DGKB: variants seen among roughly 807,000 people sequenced by gnomAD.
DGKB encodes 90 kDa diacylglycerol kinase.
DGKB carries 67 observed loss-of-function variants against 114.3 expected under a neutral mutation model. That is an observed-to-expected ratio of 0.59 (90% CI 0.48 to 0.72). The LOEUF is 0.72. DGKB is among the 30% of genes least tolerant of loss of function. The pLI, the probability that DGKB is intolerant of heterozygous loss-of-function variation, is 0.00. For missense variants in DGKB, 907 were observed against 975.2 expected (o/e 0.93, Z 0.93); for synonymous variants, 398 against 323.1 (o/e 1.23, Z -2.49).
At chr7:14,609,922 G>T (rs1430363800) in intron 16 of DGKB, among the ~76,000 whole-genome samples, 1 of 152,090 alleles carries the variant, frequency 6.6e-6, no homozygotes, top group Non-Finnish European at 1.5e-5. Context: ...TGCTGTTGTT[G>T]TGAATGTAAA....
At chr7:14,380,600 C>T (rs1819286666) in intron 21 of DGKB, among the ~76,000 whole-genome samples, 1 of 152,126 alleles carries the variant, frequency 6.6e-6, no homozygotes, top group Admixed American at 6.5e-5. Context: ...ATTATCACAA[C>T]ATAGTGTTAT....
At chr7:14,156,700 A>G (rs1783076949) in intron 25 of DGKB, among the ~76,000 whole-genome samples, 1 of 152,200 alleles carries the variant, frequency 6.6e-6, no homozygotes. Context: ...ATTCAGAATT[A>G]TGAGGCATAA....
intron 23 of DGKB, among the ~76,000 whole-genome samples, chr7:14,228,521 A>C (rs1324274688): frequency 6.6e-6 from 1 of 151,962 alleles, no homozygotes; most frequent in Non-Finnish European, 1.5e-5. Flanking sequence ...AGAGCTGTTT[A>C]TAGTACACAC....
rs553891527 is a variant in DGKB, at chr7:14,872,277, T to C, written c.-188+30315A>G. Among the ~76,000 whole-genome samples the C allele has an allele frequency of 2.6e-5, 4 of 152,298 alleles. No homozygotes were observed. The South Asian group carries it at 8.3e-4, about 32-fold the overall frequency. On this transcript the variant is annotated intron_variant, in intron 1 of 25. Transcript: ENST00000402815. ...CAGAACAGGAATAACAAACATACGC[T>C]ATACCTGCTACCACTAGCAACAATC...
At chr7:14,283,766 G>T (rs917143181) in intron 23 of DGKB, among the ~76,000 whole-genome samples, 1 of 152,106 alleles carries the variant, frequency 6.6e-6, no homozygotes, top group Non-Finnish European at 1.5e-5. Context: ...AATGGGGAAA[G>T]GATTCCCTAT....
intron 21 of DGKB, among the ~76,000 whole-genome samples, chr7:14,438,126 A>T (rs1450491139): frequency 3.3e-5 from 5 of 152,090 alleles, no homozygotes; most frequent in Non-Finnish European, 1.5e-5. Flanking sequence ...TAAATCAAAT[A>T]AAAACTCAGG....
At position 14,902,642 on chromosome 7, in the gene DGKB, T is replaced by G. The variant is rs550414989; in HGVS notation, c.-238A>C. 6.6e-6 allele frequency: 1 copy of G among 152,260 alleles called. No individual in the cohort carries two copies. Among genetic ancestry groups the G allele is most frequent in the Non-Finnish European group, 1.5e-5 (1 of 68,090 alleles). 9.4% of individuals were successfully genotyped at this position (152,260 alleles called of 1,614,324 possible). ...AGCGCATCTCTGAAGCGAGAGCCAC[T>G]GCTTTTCCGGAGAGGAACTGGGACT... On this transcript the variant is annotated 5_prime_UTR_variant, in exon 1 of 26. Coordinates refer to ENST00000402815, the MANE Select transcript of DGKB (RefSeq NM_001350709.2).
chr7:14,536,154 C>A (rs1177819023), intron 20 of DGKB, among the ~76,000 whole-genome samples: 1 of 151,896 alleles, frequency 6.6e-6, no homozygotes, highest in East Asian at 1.9e-4. Flanking sequence ...TTCCAATTAG[C>A]AATAAAAACC....
At chr7:14,744,864 AC>A (rs1833041986) in intron 4 of DGKB, among the ~76,000 whole-genome samples, 1 of 152,160 alleles carries the variant, frequency 6.6e-6, no homozygotes, top group African/African-American at 2.4e-5. Flanking sequence ...TTTTACATTA[AC>A]CCTCTTATTC....
intron 17 of DGKB, among the ~76,000 whole-genome samples, chr7:14,600,314 T>C (rs1036706718): frequency 6.6e-5 from 10 of 152,172 alleles, no homozygotes; most frequent in African/African-American, 2.2e-4. Context: ...TATGATTGCA[T>C]TGGTGATTAA....
In DGKB at chr7:14,582,926, A is replaced by G. The variant is rs1225239447; in HGVS notation, c.1519+126T>C. The G allele has an allele frequency of 1.8e-5, 13 of 731,202 alleles. No individual in the cohort carries two copies. The East Asian group carries it at 3.6e-4, about 20-fold the overall frequency. The allele number at this position is 731,202 out of a possible 1,614,324, so 45.3% of individuals were successfully genotyped here. On this transcript the variant is annotated intron_variant, in intron 18 of 25. Coordinates refer to ENST00000402815, the MANE Select transcript of DGKB (RefSeq NM_001350709.2). ...GAATAATAAGTTAAACCAGTGTGCA[A>G]CCTTCCAGATGTCCAATTATATCAC...
intron 23 of DGKB, among the ~76,000 whole-genome samples, chr7:14,263,246 C>T (rs573249243): frequency 6.6e-6 from 1 of 152,270 alleles, no homozygotes; most frequent in African/African-American, 2.4e-5. Flanking sequence ...AGTATTACTA[C>T]GATTGTCATC....
At chr7:14,857,714 C>T (rs1171578453) in intron 1 of DGKB, among the ~76,000 whole-genome samples, 1 of 151,742 alleles carries the variant, frequency 6.6e-6, no homozygotes, top group African/African-American at 2.4e-5. Context: ...GGATGCTTTC[C>T]TTTTTCTTTT....
intron 21 of DGKB, among the ~76,000 whole-genome samples, chr7:14,466,686 T>A (rs1180398322): frequency 6.7e-6 from 1 of 149,848 alleles, no homozygotes; most frequent in East Asian, 1.9e-4. Context: ...GGCATGGTGG[T>A]GCACATCTGT....
At chr7:14,279,550 A>ATTCT (rs1320804729) in intron 23 of DGKB, among the ~76,000 whole-genome samples, 1 of 152,180 alleles carries the variant, frequency 6.6e-6, no homozygotes, top group Non-Finnish European at 1.5e-5. Flanking sequence ...TGGGTTGAAA[A>ATTCT]TTCTTTTCTT....
At chr7:14,424,471 G>C (rs1030647134) in intron 21 of DGKB, among the ~76,000 whole-genome samples, 4 of 151,674 alleles carry the variant, frequency 2.6e-5, no homozygotes, top group African/African-American at 9.7e-5. Flanking sequence ...CTATATAAAA[G>C]AGTTAGGTCT....
intron 16 of DGKB, among the ~76,000 whole-genome samples, chr7:14,609,017 C>T (rs371620648): frequency 6.6e-6 from 1 of 152,192 alleles, no homozygotes; most frequent in Middle Eastern, 3.4e-3. Flanking sequence ...AACACTATTT[C>T]TATGAAACTA....
chr7:14,166,389 ATTAGAC>A (rs1784612781), intron 25 of DGKB, among the ~76,000 whole-genome samples: 1 of 152,212 alleles, frequency 6.6e-6, no homozygotes, highest in African/African-American at 2.4e-5. Context: ...TAGGGCATTT[ATTAGAC>A]TTATTTAGTA....
At chr7:14,169,354 G>A (rs1780490497) in intron 25 of DGKB, among the ~76,000 whole-genome samples, 1 of 121,648 alleles carries the variant, frequency 8.2e-6, no homozygotes, top group African/African-American at 3.0e-5. Context: ...AACAGAGCGA[G>A]ACTCCGTCTC....
Sources: gnomAD v4.1 joint callset for allele counts (sites outside exome capture counted in the v4.1 genomes callset) on GRCh38, gnomAD v4.1.1 for gene constraint, MANE v1.5 for transcripts, NCBI Gene and HGNC (gene_info 2026-07-23, HGNC 2026-07-21) for gene names.